GALNT14: variants seen among roughly 807,000 people sequenced by gnomAD.
GALNT14 encodes the protein polypeptide N-acetylgalactosaminyltransferase 14.
GALNT14 carries 60 observed loss-of-function variants against 77.5 expected under a neutral mutation model. The observed-to-expected ratio is 0.77, with a 90% CI of 0.63 to 0.96. The LOEUF (loss-of-function observed/expected upper bound fraction) is 0.96, where lower values mean the gene tolerates loss of function less well. GALNT14 is among the 40% of genes least tolerant of loss of function. The pLI is 0.00. For missense variants in GALNT14, 710 were observed against 731.0 expected (o/e 0.97, Z 0.33); for synonymous variants, 280 against 281.7 (o/e 0.99, Z 0.06).
intron 1 of GALNT14, among the ~76,000 whole-genome samples, chr2:31,050,308 A>C (rs907525562): frequency 9.2e-5 from 14 of 152,168 alleles, no homozygotes; most frequent in Admixed American, 7.9e-4. Context: ...TAAAATATTT[A>C]CCAAGCGGCC....
chr2:31,066,095 G>T (rs1674936492), intron 1 of GALNT14, among the ~76,000 whole-genome samples: 1 of 152,206 alleles, frequency 6.6e-6, no homozygotes, highest in Non-Finnish European at 1.5e-5. Context: ...CATAGCTGTA[G>T]GTGCCCAGAG....
Position 31,020,152 on chromosome 2 carries a change from C to T in GALNT14, c.130-27145G>A, listed in dbSNP as rs150216711. ...ACTCAGTCAGGGACTTGGGAACACA[C>T]GTCAGAGAAGTGTGTTTTGCAGCTA... On this transcript the variant is annotated intron_variant, in intron 1 of 14. Transcript: ENST00000349752. Among the ~76,000 whole-genome samples the T allele has an allele frequency of 5.1e-3, 782 of 152,208 alleles. 5 individuals are homozygous for T. The highest frequency in any genetic ancestry group is 5.0e-3 in the African/African-American group (207 of 41,530).
At chr2:30,924,311 T>C in intron 12 of GALNT14, 48 bp from the exon 13 acceptor site, 4 of 1,593,258 alleles carry the variant, frequency 2.5e-6, no homozygotes, top group Non-Finnish European at 3.4e-6. Context: ...CTCATTGGAT[T>C]AGCAAGACTA....
rs115598834 is a variant in GALNT14, at chr2:31,130,314, G to A, written c.129+7644C>T. ...AAGAACTAGCTTTGTGTCCAGAGCG[G>A]TGCTCTCAGAGGTGGCTGCTCCTGA... On this transcript the variant is annotated intron_variant, in intron 1 of 14. Coordinates refer to ENST00000349752, the MANE Select transcript of GALNT14 (RefSeq NM_024572.4). Among the ~76,000 whole-genome samples the A allele has an allele frequency of 9.9e-3, 1,512 of 152,288 alleles. 25 individuals carry two copies. The highest frequency in any genetic ancestry group is 0.034 in the African/African-American group (1,429 of 41,544).
chr2:31,012,169 A>G (rs536767281), intron 1 of GALNT14, among the ~76,000 whole-genome samples: 1 of 152,312 alleles, frequency 6.6e-6, no homozygotes, highest in South Asian at 2.1e-4. Context: ...TGCTGCTGGA[A>G]TGGCTCTTCT....
intron 6 of GALNT14, among the ~76,000 whole-genome samples, chr2:30,951,269 G>A (rs779761482): frequency 3.9e-5 from 6 of 152,198 alleles, no homozygotes; most frequent in African/African-American, 7.2e-5. Context: ...ACTTGAAACA[G>A]TATGCCAATA....
chr2:31,117,780 G>A (rs11687856), intron 1 of GALNT14, among the ~76,000 whole-genome samples: 27,381 of 152,078 alleles, frequency 0.18, 3,710 homozygotes, highest in African/African-American at 0.38. Flanking sequence ...ATGCTAACAA[G>A]CAGAAGTTCC....
chr2:31,040,670 T>C (rs1673046650), intron 1 of GALNT14, among the ~76,000 whole-genome samples: 1 of 152,190 alleles, frequency 6.6e-6, no homozygotes, highest in Admixed American at 6.5e-5. Context: ...CTTCCTCAAC[T>C]CTTCAGAACT....
chr2:31,020,551 C>T (rs1345012527), intron 1 of GALNT14, among the ~76,000 whole-genome samples: 1 of 152,184 alleles, frequency 6.6e-6, no homozygotes, highest in Non-Finnish European at 1.5e-5. Context: ...TATCTATACA[C>T]CCAAGACACC....
chr2:30,897,288 A>G, the GALNT14 span, among the ~76,000 whole-genome samples: 1 of 152,152 alleles, frequency 6.6e-6, no homozygotes, highest in African/African-American at 2.4e-5. Flanking sequence ...AAGGATCCAA[A>G]GCTCCAGTGG....
intron 1 of GALNT14, among the ~76,000 whole-genome samples, chr2:31,077,974 G>A (rs1675905252): frequency 6.6e-6 from 1 of 152,240 alleles, no homozygotes; most frequent in Non-Finnish European, 1.5e-5. Flanking sequence ...CTTAATGACA[G>A]AGTGAGACCA....
intron 1 of GALNT14, among the ~76,000 whole-genome samples, chr2:30,996,891 G>C (rs1462326082): frequency 6.6e-6 from 1 of 152,168 alleles, no homozygotes; most frequent in African/African-American, 2.4e-5. Flanking sequence ...CTGGGAGCTG[G>C]GCTTTTCTAC....
chr2:31,100,187 G>A (rs1192094254), intron 1 of GALNT14, among the ~76,000 whole-genome samples: 1 of 151,952 alleles, frequency 6.6e-6, no homozygotes, highest in African/African-American at 2.4e-5. Flanking sequence ...TTGATAGGTG[G>A]TTGGAAACTG....
At position 31,035,553 on chromosome 2, in the gene GALNT14, A is replaced by ATGTGTGTGTGTGTG. The variant is rs573163116; in HGVS notation, c.130-42560_130-42547dup. ...ATCAATGGTAGACTGGATAAAGAAA[A>ATGTGTGTGTGTGTG]TGTGTGTGTGTGTGTATGTGTGTGT... On this transcript the variant is annotated intron_variant, in intron 1 of 14. Transcript: ENST00000349752. 1.9e-3 allele frequency among the ~76,000 whole-genome samples: 251 copies of ATGTGTGTGTGTGTG among 129,510 alleles called. 2 individuals are homozygous for ATGTGTGTGTGTGTG. Among genetic ancestry groups the ATGTGTGTGTGTGTG allele is most frequent in the East Asian group, 9.2e-3 (35 of 3,818 alleles). 85.0% of individuals were successfully genotyped at this position (129,510 alleles called of 152,430 possible). A position where few individuals can be genotyped will look rare whatever the true frequency, so the allele number is the denominator to read the frequency against.
chr2:31,125,561 G>A (rs73921504), intron 1 of GALNT14, among the ~76,000 whole-genome samples: 4,477 of 152,242 alleles, frequency 0.029, 235 homozygotes, highest in African/African-American at 0.1. Flanking sequence ...GTATGACTGG[G>A]GAAAATGGGA....
chr2:30,936,924 T>C (rs1016161793), intron 9 of GALNT14, among the ~76,000 whole-genome samples: 1 of 152,190 alleles, frequency 6.6e-6, no homozygotes, highest in Non-Finnish European at 1.5e-5. Flanking sequence ...TAGTGTCTGA[T>C]GGGACTCAAT....
chr2:30,928,755 T>C (rs1374217011), intron 11 of GALNT14, among the ~76,000 whole-genome samples: 1 of 152,092 alleles, frequency 6.6e-6, no homozygotes, highest in Non-Finnish European at 1.5e-5. Flanking sequence ...TAGCTGGGAC[T>C]ACAGGTGCCC....
rs907372510 is a variant in GALNT14, at chr2:30,973,268, C to T, written c.300-6966G>A. On this transcript the variant is annotated intron_variant, in intron 2 of 14. Transcript: ENST00000349752. ...CATCTTTCCCTCCTCCACATCCCTC[C>T]ATCACTCCATCACCAGTGCTAGCAC... 3.9e-5 allele frequency among the ~76,000 whole-genome samples: 6 copies of T among 152,322 alleles called. No individual in the cohort carries two copies. In the East Asian group the frequency reaches 1.2e-3, roughly 29 times the overall value.
At chr2:31,066,419 CGG>C (rs1250773545) in intron 1 of GALNT14, among the ~76,000 whole-genome samples, 1 of 76,726 alleles carries the variant, frequency 1.3e-5, no homozygotes, top group African/African-American at 4.9e-5. Context: ...GGGCGGGGGG[CGG>C]GGGGGTGGTG....
Sources: gnomAD v4.1 joint callset for allele counts (sites outside exome capture counted in the v4.1 genomes callset) on GRCh38, gnomAD v4.1.1 for gene constraint, MANE v1.5 for transcripts, NCBI Gene and HGNC (gene_info 2026-07-23, HGNC 2026-07-21) for gene names.